Variants in ST6GALNAC3 observed in about 807,000 individuals in gnomAD.
The protein encoded by ST6GALNAC3 is ST6 N-acetylgalactosaminide alpha-2,6-sialyltransferase 3.
ST6GALNAC3 carries 25 observed loss-of-function variants against 32.7 expected under a neutral mutation model. That is an observed-to-expected ratio of 0.76 (90% CI 0.56 to 1.07). The LOEUF (loss-of-function observed/expected upper bound fraction) is 1.07, where lower values mean the gene tolerates loss of function less well. Among genes scored for constraint, ST6GALNAC3 ranks in the 50% least tolerant of loss-of-function variants. ST6GALNAC3 has a pLI of 0.00. For synonymous variants in ST6GALNAC3, 129 were observed against 133.1 expected (o/e 0.97, Z 0.21); for missense variants, 355 against 382.4 (o/e 0.93, Z 0.60).
At chr1:76,608,279 T>C (rs1279510059) in intron 3 of ST6GALNAC3, among the ~76,000 whole-genome samples, 1 of 152,198 alleles carries the variant, frequency 6.6e-6, no homozygotes, top group Non-Finnish European at 1.5e-5. Flanking sequence ...ATGGTATTTA[T>C]TCATTTAATC....
At chr1:76,582,231 C>G (rs988110800) in intron 3 of ST6GALNAC3, among the ~76,000 whole-genome samples, 1 of 152,084 alleles carries the variant, frequency 6.6e-6, no homozygotes. Context: ...TAATTTATTT[C>G]TAATTTTTCC....
At chr1:76,372,878 C>G (rs762241400) in intron 2 of ST6GALNAC3, among the ~76,000 whole-genome samples, 1 of 152,148 alleles carries the variant, frequency 6.6e-6, no homozygotes, top group Non-Finnish European at 1.5e-5. Flanking sequence ...GCAGTGACTT[C>G]CCTGATCCTA....
chr1:76,267,132 C>T (rs1460012292), intron 1 of ST6GALNAC3, among the ~76,000 whole-genome samples: 3 of 152,194 alleles, frequency 2.0e-5, no homozygotes, highest in East Asian at 3.9e-4. Context: ...AGCCAATTTG[C>T]GCTCTCTTTC....
chr1:76,296,915 G>A (rs1402114298), intron 1 of ST6GALNAC3, among the ~76,000 whole-genome samples: 1 of 151,904 alleles, frequency 6.6e-6, no homozygotes, highest in Non-Finnish European at 1.5e-5. Context: ...TGTGTTGATT[G>A]GTGAAAAACA....
intron 3 of ST6GALNAC3, among the ~76,000 whole-genome samples, chr1:76,543,401 C>T (rs536772738): frequency 2.0e-5 from 3 of 152,196 alleles, no homozygotes; most frequent in East Asian, 1.9e-4. Flanking sequence ...TAATAGACCA[C>T]GTATTATGAA....
intron 2 of ST6GALNAC3, among the ~76,000 whole-genome samples, chr1:76,389,944 A>G (rs1380630541): frequency 6.6e-6 from 1 of 152,118 alleles, no homozygotes; most frequent in Non-Finnish European, 1.5e-5. Context: ...ATTTTTCATA[A>G]TAGCCAGCAA....
chr1:76,422,452 T>C (rs537589421), intron 3 of ST6GALNAC3, among the ~76,000 whole-genome samples: 7 of 152,186 alleles, frequency 4.6e-5, no homozygotes, highest in African/African-American at 1.7e-4. Flanking sequence ...CTTCAACACA[T>C]GGACCAGTTG....
chr1:76,415,881 G>A (rs989797913), intron 3 of ST6GALNAC3, among the ~76,000 whole-genome samples: 3 of 151,930 alleles, frequency 2.0e-5, no homozygotes, highest in Non-Finnish European at 4.4e-5. Context: ...AGATAAAATC[G>A]TTATGAGTTC....
At chr1:76,411,929 G>T in intron 2 of ST6GALNAC3, 79 bp from the exon 3 acceptor site, 1 of 1,459,302 alleles carries the variant, frequency 6.9e-7, no homozygotes, top group Non-Finnish European at 9.3e-7. Flanking sequence ...TACAATATAT[G>T]AACTTTTGTT....
At chr1:76,399,979 C>A (rs991611923) in intron 2 of ST6GALNAC3, among the ~76,000 whole-genome samples, 3 of 152,030 alleles carry the variant, frequency 2.0e-5, no homozygotes, top group African/African-American at 7.2e-5. Context: ...ATGATATAAT[C>A]TGTAGATAAT....
intron 3 of ST6GALNAC3, among the ~76,000 whole-genome samples, chr1:76,586,341 T>C (rs1249353390): frequency 6.6e-6 from 1 of 152,222 alleles, no homozygotes; most frequent in East Asian, 1.9e-4. Flanking sequence ...TACATTCCTA[T>C]AGAAGAGGGT....
At chr1:76,277,017 A>G (rs1659170468) in intron 1 of ST6GALNAC3, among the ~76,000 whole-genome samples, 1 of 152,160 alleles carries the variant, frequency 6.6e-6, no homozygotes, top group African/African-American at 2.4e-5. Flanking sequence ...TCACCTTCTT[A>G]ATGGATTTGT....
At chr1:76,222,674 AAAACAAAC>A (rs71588868) in intron 1 of ST6GALNAC3, among the ~76,000 whole-genome samples, 4 of 151,516 alleles carry the variant, frequency 2.6e-5, no homozygotes, top group African/African-American at 7.3e-5. Context: ...TAAAAAAACA[AAAACAAAC>A]AAACAAAAAA....
intron 1 of ST6GALNAC3, among the ~76,000 whole-genome samples, chr1:76,235,136 C>A (rs1449329239): frequency 6.6e-6 from 1 of 152,114 alleles, no homozygotes; most frequent in African/African-American, 2.4e-5. Context: ...CTGTTCAGAG[C>A]TATTGTTCAA....
chr1:76,499,887 G>A (rs1302706847), intron 3 of ST6GALNAC3, among the ~76,000 whole-genome samples: 1 of 152,030 alleles, frequency 6.6e-6, no homozygotes, highest in Non-Finnish European at 1.5e-5. Flanking sequence ...AATGTAAATA[G>A]CCGTAAATAG....
chr1:76,235,753 A>G (rs1453474063), intron 1 of ST6GALNAC3, among the ~76,000 whole-genome samples: 1 of 145,376 alleles, frequency 6.9e-6, no homozygotes, highest in Admixed American at 7.0e-5. Flanking sequence ...TCACAATTCT[A>G]CAGACTAGGC....
At chr1:76,337,975 G>A (rs926937745) in intron 2 of ST6GALNAC3, among the ~76,000 whole-genome samples, 5 of 152,150 alleles carry the variant, frequency 3.3e-5, no homozygotes, top group Non-Finnish European at 4.4e-5. Context: ...CTTTCTCCTG[G>A]CAGTGCTTGA....
chr1:76,616,250 G>T (rs77588069), intron 3 of ST6GALNAC3, among the ~76,000 whole-genome samples: 2,385 of 152,274 alleles, frequency 0.016, 29 homozygotes, highest in Middle Eastern at 0.024. Context: ...AGAAAATCTG[G>T]ATGGACCTCA....
intron 1 of ST6GALNAC3, among the ~76,000 whole-genome samples, chr1:76,288,876 C>T (rs529927295): frequency 1.1e-3 from 173 of 152,166 alleles, no homozygotes; most frequent in African/African-American, 3.8e-3. Flanking sequence ...TCTATTATAG[C>T]GAGCAGAAAA....
Sources: gnomAD v4.1 joint callset for allele counts (sites outside exome capture counted in the v4.1 genomes callset) on GRCh38, gnomAD v4.1.1 for gene constraint, MANE v1.5 for transcripts, NCBI Gene and HGNC (gene_info 2026-07-23, HGNC 2026-07-21) for gene names.